PTPN14: variants seen among roughly 807,000 people sequenced by gnomAD.
PTPN14 encodes the protein tyrosine-protein phosphatase non-receptor type 14.
In PTPN14, 53 loss-of-function variants were observed where a neutral mutation model predicts 126.8. The observed-to-expected ratio is 0.42, with a 90% CI of 0.34 to 0.53. PTPN14 has a LOEUF of 0.53. PTPN14 is among the 20% of genes least tolerant of loss of function. The probability of loss-of-function intolerance (pLI) is 0.08; values close to 1 mark genes in which losing one functional copy is unlikely to be tolerated. For synonymous variants in PTPN14, 630 were observed against 599.3 expected (o/e 1.05, Z -0.75); for missense variants, 1,257 against 1,552.9 (o/e 0.81, Z 3.20).
chr1:214,393,608 TA>T, intron 10 of PTPN14, 86 bp downstream of exon 10: 1 of 1,069,874 alleles, frequency 9.3e-7, no homozygotes, highest in Non-Finnish European at 1.4e-6. Context: ...AAAGAGTGAA[TA>T]GGAAAAGAGA....
At position 214,432,824 on chromosome 1, in the gene PTPN14, A is replaced by G. The variant is rs78780894; in HGVS notation, c.345-18098T>C. 7.1e-3 allele frequency among the ~76,000 whole-genome samples: 1,083 copies of G among 152,326 alleles called. 11 individuals are homozygous for G. Among genetic ancestry groups the G allele is most frequent in the African/African-American group, 0.024 (993 of 41,578 alleles). ...TCCATAAACACTGAGAGGGAGCACA[A>G]TGAAGGATTCTGAGTGGCTGGTGAT... On this transcript the variant is annotated intron_variant, in intron 3 of 18. Transcript: ENST00000366956.
chr1:214,495,976 T>A (rs903845135), intron 1 of PTPN14, among the ~76,000 whole-genome samples: 1 of 152,160 alleles, frequency 6.6e-6, no homozygotes, highest in Non-Finnish European at 1.5e-5. Context: ...ATTACAGACA[T>A]GAGCCACCAC....
intron 1 of PTPN14, among the ~76,000 whole-genome samples, chr1:214,521,559 C>CA (rs1655255190): frequency 6.6e-6 from 1 of 151,944 alleles, no homozygotes; most frequent in South Asian, 2.1e-4. Context: ...CTAAAAAATA[C>CA]AAAAAATTAG....
chr1:214,398,128 A>G (rs1214591527), intron 7 of PTPN14, 127 bp from the exon 8 acceptor site: 2 of 723,632 alleles, frequency 2.8e-6, no homozygotes, highest in Non-Finnish European at 2.4e-6. Flanking sequence ...AACGTGGTAC[A>G]TGTGTGTACA....
In PTPN14 at chr1:214,417,566, TATAGCCCATAACA is replaced by T. The variant is rs1659453623; in HGVS notation, c.345-2853_345-2841del. On this transcript the variant is annotated intron_variant, in intron 3 of 18. Coordinates refer to ENST00000366956, the MANE Select transcript of PTPN14 (RefSeq NM_005401.5). ...GAGTATCAAAGGATCCCTTCAAAAT[TATAGCCCATAACA>T]ATATCTTCAACATTTAGAGATGAAT... 2.0e-5 allele frequency among the ~76,000 whole-genome samples: 3 copies of T among 152,188 alleles called. No individual in the cohort carries two copies. In the South Asian group the frequency reaches 6.2e-4, roughly 32 times the overall value.
At chr1:214,479,134 C>T (rs929865407) in intron 1 of PTPN14, among the ~76,000 whole-genome samples, 1 of 151,864 alleles carries the variant, frequency 6.6e-6, no homozygotes, top group East Asian at 1.9e-4. Flanking sequence ...TCACTAGAGT[C>T]CAGGAGTTTG....
intron 1 of PTPN14, chr1:214,531,499 AACAC>A (rs58506242): frequency 0.016 from 2,045 of 129,556 alleles, 27 homozygotes; most frequent in African/African-American, 0.04. Flanking sequence ...AACCCAGCCT[AACAC>A]ACACACACAC....
intron 1 of PTPN14, among the ~76,000 whole-genome samples, chr1:214,526,412 G>A (rs549772498): frequency 6.6e-6 from 1 of 151,994 alleles, no homozygotes; most frequent in Non-Finnish European, 1.5e-5. Flanking sequence ...AGGTCAGATA[G>A]GAATTAAAGG....
chr1:214,514,211 A>T (rs567429546), intron 1 of PTPN14, among the ~76,000 whole-genome samples: 2 of 152,306 alleles, frequency 1.3e-5, no homozygotes, highest in African/African-American at 2.4e-5. Context: ...CAAAATTAAC[A>T]GTCTGAGGTA....
intron 1 of PTPN14, among the ~76,000 whole-genome samples, chr1:214,518,958 C>T (rs1279790217): frequency 2.6e-5 from 4 of 152,062 alleles, no homozygotes; most frequent in African/African-American, 9.7e-5. Context: ...TTGATCATTG[C>T]CTTTAATTAA....
At chr1:214,551,070 G>C (rs12745583) in intron 1 of PTPN14, 113 bp downstream of exon 1, 93,426 of 151,780 alleles carry the variant, frequency 0.62, 30,532 homozygotes, top group Non-Finnish European at 0.74. Context: ...GCGTCCCGGG[G>C]CGCCAATCGC....
At chr1:214,544,906 A>G (rs987264806) in intron 1 of PTPN14, among the ~76,000 whole-genome samples, 2 of 152,098 alleles carry the variant, frequency 1.3e-5, no homozygotes, top group Non-Finnish European at 2.9e-5. Flanking sequence ...AAGAAAGGAA[A>G]GGAAAGGAAG....
At chr1:214,517,382 T>C (rs1394973335) in intron 1 of PTPN14, among the ~76,000 whole-genome samples, 1 of 149,584 alleles carries the variant, frequency 6.7e-6, no homozygotes, top group Non-Finnish European at 1.5e-5. Flanking sequence ...CTTGGCACAC[T>C]AACCACCAAG....
intron 11 of PTPN14, among the ~76,000 whole-genome samples, chr1:214,390,588 C>A (rs1658725703): frequency 6.6e-6 from 1 of 152,182 alleles, no homozygotes; most frequent in African/African-American, 2.4e-5. Flanking sequence ...AAGGCATTTT[C>A]TCACTAGTTT....
intron 1 of PTPN14, among the ~76,000 whole-genome samples, chr1:214,549,456 C>T (rs1224341793): frequency 6.6e-6 from 1 of 152,182 alleles, no homozygotes; most frequent in Non-Finnish European, 1.5e-5. Flanking sequence ...TAGTGACATA[C>T]AGATGAACGA....
At chr1:214,462,602 A>C (rs1397845073) in intron 2 of PTPN14, among the ~76,000 whole-genome samples, 2 of 152,216 alleles carry the variant, frequency 1.3e-5, no homozygotes, top group African/African-American at 2.4e-5. Context: ...TCTCACCAGC[A>C]AGACTGCAGT....
At chr1:214,417,539 C>A (rs897578532) in intron 3 of PTPN14, among the ~76,000 whole-genome samples, 1 of 152,166 alleles carries the variant, frequency 6.6e-6, no homozygotes, top group Non-Finnish European at 1.5e-5. Flanking sequence ...GTACTTTTGA[C>A]AGAGTATCAA....
rs143136196 is a variant in PTPN14, at chr1:214,383,705, GCCTCCT to G, written c.2144_2149del (p.Glu715_Glu716del). ...GGGGATCTGGGGCACCGATTCTGGA[GCCTCCT>G]CCTCCTCCTCCTCACTCTCGCTGCT... On this transcript the variant is annotated inframe_deletion, in exon 13 of 19. Coordinates refer to ENST00000366956, the MANE Select transcript of PTPN14 (RefSeq NM_005401.5). The surrounding 1 kb of genome is among the most constrained non-coding windows in gnomAD (Gnocchi z 4.4). 1.1e-3 allele frequency: 1,737 copies of G among 1,611,660 alleles called. 13 individuals carry two copies. In the African/African-American group the frequency reaches 0.016, roughly 14 times the overall value.
chr1:214,436,343 G>C (rs919232314), intron 3 of PTPN14, among the ~76,000 whole-genome samples: 6 of 151,962 alleles, frequency 3.9e-5, no homozygotes, highest in Non-Finnish European at 8.8e-5. Flanking sequence ...AAACTCCCGT[G>C]ACACACAATT....
Sources: gnomAD v4.1 joint callset for allele counts (sites outside exome capture counted in the v4.1 genomes callset) on GRCh38, gnomAD v4.1.1 for gene constraint, Gnocchi (gnomAD v3.1) non-coding constraint, MANE v1.5 for transcripts, NCBI Gene and HGNC (gene_info 2026-07-23, HGNC 2026-07-21) for gene names.